The following NACA2 variants were observed in gnomAD, a reference collection of about 807,000 sequenced individuals.
NACA2 encodes the protein nascent polypeptide-associated complex subunit alpha-2.
In NACA2, 9 loss-of-function variants were observed where a neutral mutation model predicts 15.6. That is an observed-to-expected ratio of 0.58 (90% CI 0.35 to 1.00). The LOEUF (loss-of-function observed/expected upper bound fraction) is 1.00, where lower values mean the gene tolerates loss of function less well. Ranked by LOEUF, NACA2 falls within the 50% of genes least tolerant of loss-of-function variation. NACA2 has a pLI of 0.02. For synonymous variants in NACA2, 111 were observed against 100.5 expected, an observed-to-expected ratio of 1.10 and a Z score of -0.62; for missense variants, 258 against 257.5, an observed-to-expected ratio of 1.00 and a Z score of -0.01.
chr17:61,590,717 T>C lies in NACA2; in HGVS notation c.464A>G (p.Glu155Gly), dbSNP rs547994930. ...TTGTACAGTTGGAGTCTGTGTGTTT[T>C]CTTGAATGTTTCCGACAGCTTCACC... ...VQGEAVGNIQ[E>G]NTQTPTVQEE... The change falls in exon 1 of 1, where the codon GAA becomes GGA. Residue 155 changes from glutamate (E) to glycine (G), a missense_variant. Physicochemically the swap from Glu to Gly is moderately conservative, Grantham distance 98 (BLOSUM62 -2). Transcript: ENST00000521764. The C allele has an allele frequency of 6.1e-4, 979 of 1,614,194 alleles. 13 individuals are homozygous for C. The South Asian group carries it at 0.01, about 17-fold the overall frequency.
Position 61,591,161 on chromosome 17 carries a change from T to C in NACA2, c.20A>G (p.Glu7Gly). MPGEAT[E>G]TVPATEQELP... ...CTCCTGCTCTGTAGCAGGGACGGTTTCTGTGGCTTCGCCCGGCATTTTGTG... is the reference window on the plus strand; with the variant it reads ...CTCCTGCTCTGTAGCAGGGACGGTTCCTGTGGCTTCGCCCGGCATTTTGTG... The change falls in exon 1 of 1, where the codon GAA becomes GGA. Residue 7 changes from glutamate to glycine, a missense_variant. Glu to Gly is a moderately conservative substitution (Grantham distance 98, BLOSUM62 -2). Transcript: ENST00000521764. 6.2e-7 allele frequency: 1 copy of C among 1,614,264 alleles called. No homozygotes were observed. Among genetic ancestry groups the C allele is most frequent in the Non-Finnish European group, 8.5e-7 (1 of 1,180,044 alleles).
Position 61,590,839 on chromosome 17 carries a change from G to A in NACA2, c.342C>T (p.Ser114=). 2 of 1,614,196 alleles carry A rather than the reference G, an allele frequency of 1.2e-6. No individual in the cohort carries two copies. Among genetic ancestry groups the A allele is most frequent in the South Asian group, 1.1e-5 (1 of 91,084 alleles). Residue 114 remains serine (S), a synonymous_variant, in exon 1 of 1, where the codon AGC becomes AGT. Coordinates refer to ENST00000521764, the MANE Select transcript of NACA2 (RefSeq NM_199290.4). The stretch of plus-strand genomic sequence containing the variant: ...AAACTATGTAGGCATCCGAAGCAGG[G>A]CTCTTGTAGACGTCCAGTTTTGTGA... ...FVITKLDVYK[S]PASDAYIVFG...
chr17:61,590,716 T>C lies in NACA2; in HGVS notation c.465A>G (p.Glu155=), dbSNP rs774052215. ...CTTGTACAGTTGGAGTCTGTGTGTT[T>C]TCTTGAATGTTTCCGACAGCTTCAC... ...VQGEAVGNIQ[E]NTQTPTVQEE... Residue 155 remains glutamate (E), a synonymous_variant, in exon 1 of 1, where the codon GAA becomes GAG. Coordinates refer to ENST00000521764, the MANE Select transcript of NACA2 (RefSeq NM_199290.4). The C allele has an allele frequency of 1.9e-6, 3 of 1,614,104 alleles. No individual in the cohort carries two copies. Among genetic ancestry groups the C allele is most frequent in the Non-Finnish European group, 2.5e-6 (3 of 1,180,048 alleles).
At position 61,590,637 on chromosome 17, in the gene NACA2, T is replaced by G. The variant is rs878908588; in HGVS notation, c.544A>C (p.Lys182Gln). Residue 182 changes from lysine to glutamine, a missense_variant, in exon 1 of 1, where the codon AAA becomes CAA. Lys to Gln is a moderately conservative substitution (Grantham distance 53, BLOSUM62 1). Coordinates refer to ENST00000521764, the MANE Select transcript of NACA2 (RefSeq NM_199290.4). ...ACATTTGCTTGTGACATGACCAATT[T>G]CACGTCTTTAACTTCTACACCTGTT... is the stretch of plus-strand genomic sequence containing the variant. The part of the protein sequence containing the change: ...DETGVEVKDV[K>Q]LVMSQANVSR... 6.2e-6 allele frequency: 10 copies of G among 1,614,212 alleles called. No homozygotes were observed. The highest frequency in any genetic ancestry group is 8.5e-6 in the Non-Finnish European group (10 of 1,180,040).
chr17:61,590,875 G>T lies in NACA2; in HGVS notation c.306C>A (p.Ile102=), dbSNP rs182692533. ...TRVTIWKSKN[I]LFVITKLDVY... ...CGTCCAGTTTTGTGATGACAAAGAG[G>T]ATATTCTTAGATTTCCAGATAGTGA... Residue 102 remains isoleucine (I), a synonymous_variant, in exon 1 of 1, where the codon ATC becomes ATA. Transcript: ENST00000521764. 6.2e-7 allele frequency: 1 copy of T among 1,614,074 alleles called. No homozygotes were observed. The highest frequency in any genetic ancestry group is 8.5e-7 in the Non-Finnish European group (1 of 1,179,938).
Position 61,591,187 on chromosome 17 carries a change from C to T in NACA2, c.-7G>A. Reference sequence around the variant, plus strand: ...CTGTGGCTTCGCCCGGCATTTTGTGCAGGGAACGCGGAAGCAAGATGGCGG... The same window carrying T: ...CTGTGGCTTCGCCCGGCATTTTGTGTAGGGAACGCGGAAGCAAGATGGCGG... On this transcript the variant is annotated 5_prime_UTR_variant, in exon 1 of 1. Coordinates refer to ENST00000521764, the MANE Select transcript of NACA2 (RefSeq NM_199290.4). The T allele has an allele frequency of 6.2e-7, 1 of 1,614,144 alleles. No homozygotes were observed.
chr17:61,591,146 G>A lies in NACA2; in HGVS notation c.35C>T (p.Thr12Ile), dbSNP rs770036930. 6.2e-7 allele frequency: 1 copy of A among 1,614,260 alleles called. No individual in the cohort carries two copies. Among genetic ancestry groups the A allele is most frequent in the Non-Finnish European group, 8.5e-7 (1 of 1,180,046 alleles). ...CTGGGACTGCGGCAACTCCTGCTCTGTAGCAGGGACGGTTTCTGTGGCTTC... is the reference window on the plus strand; with the variant it reads ...CTGGGACTGCGGCAACTCCTGCTCTATAGCAGGGACGGTTTCTGTGGCTTC... The part of the protein sequence containing the change: ...PGEATETVPA[T>I]EQELPQSQAE... Residue 12 changes from threonine to isoleucine, a missense_variant, in exon 1 of 1, where the codon ACA becomes ATA. Physicochemically the swap from Thr to Ile is moderately conservative, Grantham distance 89 (BLOSUM62 -1). Coordinates refer to ENST00000521764, the MANE Select transcript of NACA2 (RefSeq NM_199290.4).
chr17:61,590,668 G>A lies in NACA2; in HGVS notation c.513C>T (p.Val171=). The A allele has an allele frequency of 3.7e-6, 6 of 1,613,992 alleles. No individual in the cohort carries two copies. The highest frequency in any genetic ancestry group is 2.2e-5 in the East Asian group (1 of 44,880). ...CTTTAACTTCTACACCTGTTTCATC[G>A]ACCTCTTCCTCTTCACTCTCCTCTT... The part of the protein sequence containing the change: ...TVQEESEEEE[V]DETGVEVKDV... The change falls in exon 1 of 1, where the codon GTC becomes GTT. Residue 171 remains valine (V), a synonymous_variant. Coordinates refer to ENST00000521764, the MANE Select transcript of NACA2 (RefSeq NM_199290.4).
At position 61,591,143 on chromosome 17, in the gene NACA2, T is replaced by C. The variant is rs747872601; in HGVS notation, c.38A>G (p.Glu13Gly). ...GEATETVPAT[E>G]QELPQSQAET... ...AGCCTGGGACTGCGGCAACTCCTGC[T>C]CTGTAGCAGGGACGGTTTCTGTGGC... Residue 13 changes from glutamate to glycine, a missense_variant, in exon 1 of 1, where the codon GAG becomes GGG. Transcript: ENST00000521764. The C allele has an allele frequency of 1.9e-6, 3 of 1,614,256 alleles. No homozygotes were observed. The highest frequency in any genetic ancestry group is 1.1e-5 in the South Asian group (1 of 91,092).
Position 61,590,895 on chromosome 17 carries a change from T to G in NACA2, c.286A>C (p.Ile96Leu). Residue 96 changes from isoleucine to leucine, a missense_variant, in exon 1 of 1, where the codon ATC becomes CTC. Coordinates refer to ENST00000521764, the MANE Select transcript of NACA2 (RefSeq NM_199290.4). ...LQVTGVTRVT[I>L]WKSKNILFVI... Reference sequence around the variant, plus strand: ...AAGAGGATATTCTTAGATTTCCAGATAGTGACTCTAGTAACTCCTGTAACC... The same window carrying G: ...AAGAGGATATTCTTAGATTTCCAGAGAGTGACTCTAGTAACTCCTGTAACC... 2.5e-6 allele frequency: 4 copies of G among 1,614,236 alleles called. No homozygotes were observed. The highest frequency in any genetic ancestry group is 1.3e-5 in the African/African-American group (1 of 75,062).
rs1224361675 is a variant in NACA2, at chr17:61,591,030, C to A, written c.151G>T (p.Ala51Ser). The A allele has an allele frequency of 7.4e-6, 12 of 1,614,100 alleles. No individual in the cohort carries two copies. The East Asian group carries it at 2.4e-4, about 33-fold the overall frequency. The change falls in exon 1 of 1, where the codon GCC (alanine) becomes TCC (serine). Residue 51 changes from alanine (A) to serine (S), a missense_variant. Coordinates refer to ENST00000521764, the MANE Select transcript of NACA2 (RefSeq NM_199290.4). The stretch of plus-strand genomic sequence containing the variant: ...ATTTCAGCTGCTGCCACCAGCCAGG[C>A]TTTTTGTGTGGTGGTCTGGGTGGAA... ...QDSTQTTTQK[A>S]WLVAAAEIDE...
chr17:61,590,586 G>C lies in NACA2; in HGVS notation c.595C>G (p.Leu199Val). The change falls in exon 1 of 1, where the codon CTG becomes GTG. Residue 199 changes from leucine (L) to valine (V), a missense_variant. Physicochemically the swap from Leu to Val is conservative, Grantham distance 32. Coordinates refer to ENST00000521764, the MANE Select transcript of NACA2 (RefSeq NM_199290.4). ...NVSRAKAVRA[L>V]KNNSNDIVNA... ...ACAATATCATTACTGTTGTTCTTCA[G>C]AGCTCGGACTGCCTTTGCTCTCGAC... 1 of 1,614,162 alleles carries C rather than the reference G, an allele frequency of 6.2e-7. No individual in the cohort carries two copies.
At position 61,591,097 on chromosome 17, in the gene NACA2, T is replaced by C. The variant is rs2060998397; in HGVS notation, c.84A>G (p.Ala28=). 1.2e-6 allele frequency: 2 copies of C among 1,614,276 alleles called. No individual in the cohort carries two copies. The highest frequency in any genetic ancestry group is 1.7e-6 in the Non-Finnish European group (2 of 1,180,040). Residue 28 remains alanine, a synonymous_variant, in exon 1 of 1, where the codon GCA becomes GCG. Transcript: ENST00000521764. The part of the protein sequence containing the change: ...QSQAETGSGT[A]SDSGESVPGI... ...CTGGTACTGATTCACCACTATCAGA[T>C]GCTGTTCCAGACCCTGTCTCAGCCT...
In NACA2 at chr17:61,591,163, T is replaced by G. The variant is rs762749068; in HGVS notation, c.18A>C (p.Thr6=). The change falls in exon 1 of 1, where the codon ACA becomes ACC. Residue 6 remains threonine (T), a synonymous_variant. Coordinates refer to ENST00000521764, the MANE Select transcript of NACA2 (RefSeq NM_199290.4). MPGEA[T]ETVPATEQEL... is the part of the protein sequence containing the mutation. ...CCTGCTCTGTAGCAGGGACGGTTTC[T>G]GTGGCTTCGCCCGGCATTTTGTGCA... is the stretch of plus-strand genomic sequence containing the variant. 6.2e-7 allele frequency: 1 copy of G among 1,614,142 alleles called. No individual in the cohort carries two copies. The highest frequency in any genetic ancestry group is 8.5e-7 in the Non-Finnish European group (1 of 1,180,054).
chr17:61,590,429 T>C lies in NACA2; in HGVS notation c.*104A>G. ...AGAGAGCATTTCTTTTCTTTTCTTT[T>C]TCCAGCAAGAAGTCATAACTTTATT... On this transcript the variant is annotated 3_prime_UTR_variant, in exon 1 of 1. Coordinates refer to ENST00000521764, the MANE Select transcript of NACA2 (RefSeq NM_199290.4). 1 of 1,199,752 alleles carries C rather than the reference T, an allele frequency of 8.3e-7. No homozygotes were observed. The highest frequency in any genetic ancestry group is 1.2e-6 in the Non-Finnish European group (1 of 825,538). 74.3% of individuals were successfully genotyped at this position (1,199,752 alleles called of 1,614,324 possible).
At position 61,591,197 on chromosome 17, in the gene NACA2, G is replaced by C. The variant is rs762775376; in HGVS notation, c.-17C>G. ...GCCCGGCATTTTGTGCAGGGAACGCGGAAGCAAGATGGCGGCAGAAAGAGC... is the reference window on the plus strand; with the variant it reads ...GCCCGGCATTTTGTGCAGGGAACGCCGAAGCAAGATGGCGGCAGAAAGAGC... On this transcript the variant is annotated 5_prime_UTR_variant, in exon 1 of 1. Transcript: ENST00000521764. 4 of 1,613,986 alleles carry C rather than the reference G, an allele frequency of 2.5e-6. No individual in the cohort carries two copies. Among genetic ancestry groups the C allele is most frequent in the Non-Finnish European group, 3.4e-6 (4 of 1,180,064 alleles).
In NACA2 at chr17:61,590,670, CCT is replaced by C; in HGVS notation, c.509_510del (p.Glu170GlyfsTer3). 1 of 1,614,218 alleles carries C rather than the reference CCT, an allele frequency of 6.2e-7. No homozygotes were observed. The highest frequency in any genetic ancestry group is 8.5e-7 in the Non-Finnish European group (1 of 1,180,042). On this transcript the variant is annotated frameshift_variant, in exon 1 of 1. Transcript: ENST00000521764. LOFTEE classifies it high-confidence loss of function. ...PTVQEESEEE[E>X]VDETGVEVKD... ...TTAACTTCTACACCTGTTTCATCGA[CCT>C]CTTCCTCTTCACTCTCCTCTTGTAC...
Position 61,590,872 on chromosome 17 carries a change from G to C in NACA2, c.309C>G (p.Leu103=), listed in dbSNP as rs1263651658. 6.2e-7 allele frequency: 1 copy of C among 1,614,124 alleles called. No individual in the cohort carries two copies. Among genetic ancestry groups the C allele is most frequent in the Non-Finnish European group, 8.5e-7 (1 of 1,179,942 alleles). The change falls in exon 1 of 1, where the codon CTC becomes CTG. Residue 103 remains leucine, a synonymous_variant. Transcript: ENST00000521764. The part of the protein sequence containing the change: ...RVTIWKSKNI[L]FVITKLDVYK... Reference sequence around the variant, plus strand: ...AGACGTCCAGTTTTGTGATGACAAAGAGGATATTCTTAGATTTCCAGATAG... The same window carrying C: ...AGACGTCCAGTTTTGTGATGACAAACAGGATATTCTTAGATTTCCAGATAG...
In NACA2 at chr17:61,591,079, T is replaced by C. The variant is rs143490945; in HGVS notation, c.102A>G (p.Ser34=). The C allele has an allele frequency of 1.4e-4, 227 of 1,614,292 alleles. 2 individuals carry two copies. In the African/African-American group the frequency reaches 2.8e-3, roughly 20 times the overall value. The change falls in exon 1 of 1, where the codon TCA becomes TCG. Residue 34 remains serine, a synonymous_variant. Transcript: ENST00000521764. ...GSGTASDSGE[S]VPGIEEQDST... ...AATCCTGTTCTTCAATCCCTGGTAC[T>C]GATTCACCACTATCAGATGCTGTTC...
Sources: gnomAD v4.1 joint callset for allele counts on GRCh38, gnomAD v4.1.1 for gene constraint, MANE v1.5 for transcripts, NCBI Gene and HGNC (gene_info 2026-07-23, HGNC 2026-07-21) for gene names.